TTC28: variants seen among roughly 807,000 people sequenced by gnomAD.
The protein encoded by TTC28 is tetratricopeptide repeat domain 28.
In TTC28, 61 loss-of-function variants were observed where a neutral mutation model predicts 198.0. The ratio of observed to expected loss-of-function variants is 0.31; its 90% CI spans 0.25 to 0.38. TTC28 has a LOEUF of 0.38. Ranked by LOEUF, TTC28 falls within the 10% of genes least tolerant of loss-of-function variation. The probability of loss-of-function intolerance (pLI) is 1.00; values close to 1 mark genes in which losing one functional copy is unlikely to be tolerated. For synonymous variants in TTC28, 1,171 were observed against 1,297.8 expected, an observed-to-expected ratio of 0.90 and a Z score of 2.10; for missense variants, 2,678 against 3,164.0, an observed-to-expected ratio of 0.85 and a Z score of 3.69.
At chr22:28,528,380 C>A (rs923853492) in intron 2 of TTC28, among the ~76,000 whole-genome samples, 2 of 151,898 alleles carry the variant, frequency 1.3e-5, no homozygotes, top group African/African-American at 4.8e-5. Context: ...CTCAGTAGAT[C>A]GTTAAGGATG....
chr22:28,385,241 T>C (rs1273820338), intron 2 of TTC28, among the ~76,000 whole-genome samples: 1 of 151,148 alleles, frequency 6.6e-6, no homozygotes, highest in Non-Finnish European at 1.5e-5. Flanking sequence ...TTTTTCTTTT[T>C]TTTTTCTTTG....
rs751718639 is a variant in TTC28 at position 28,162,970 on chromosome 22, C to A, written c.1441+122G>T. 2.8e-5 allele frequency: 36 copies of A among 1,279,248 alleles called. No homozygotes were observed. The African/African-American group carries it at 4.8e-4, about 17-fold the overall frequency. 79.2% of individuals were successfully genotyped at this position (1,279,248 alleles called of 1,614,324 possible). On this transcript the variant is annotated intron_variant, in intron 6 of 22. Coordinates refer to ENST00000397906, the MANE Select transcript of TTC28 (RefSeq NM_001145418.2). ...AAAAGAAAAGGAAAAGAAAAGAGCACACACAATAAGGATATTCTTTTAAAT... is the reference window on the plus strand; with the variant it reads ...AAAAGAAAAGGAAAAGAAAAGAGCAAACACAATAAGGATATTCTTTTAAAT...
chr22:28,372,104 G>A (rs1013003251), intron 2 of TTC28, among the ~76,000 whole-genome samples: 7 of 151,600 alleles, frequency 4.6e-5, no homozygotes, highest in Admixed American at 6.6e-5. Flanking sequence ...CCACCTCCCC[G>A]CCTTAAAAAA....
intron 5 of TTC28, among the ~76,000 whole-genome samples, chr22:28,224,716 A>G (rs1316746884): frequency 6.6e-6 from 1 of 152,160 alleles, no homozygotes; most frequent in Non-Finnish European, 1.5e-5. Flanking sequence ...AGAAGCAAAT[A>G]TAAGAAAGTG....
intron 2 of TTC28, among the ~76,000 whole-genome samples, chr22:28,362,773 T>A (rs1299645950): frequency 6.6e-6 from 1 of 152,092 alleles, no homozygotes. Flanking sequence ...ACTGGCAGCA[T>A]TTTGCCCCTG....
At chr22:28,032,267 A>ATATAGT (rs1226631612) in intron 12 of TTC28, among the ~76,000 whole-genome samples, 4 of 78,722 alleles carry the variant, frequency 5.1e-5, no homozygotes, top group African/African-American at 2.5e-4. Context: ...ATATATATAT[A>ATATAGT]GTGTGTGTGT....
intron 13 of TTC28, among the ~76,000 whole-genome samples, chr22:28,029,366 C>T (rs572597252): frequency 1.3e-5 from 2 of 152,192 alleles, no homozygotes; most frequent in African/African-American, 2.4e-5. Flanking sequence ...ATGCCCTGCA[C>T]AGCAGGGCTG....
intron 2 of TTC28, among the ~76,000 whole-genome samples, chr22:28,441,635 T>C (rs996049929): frequency 6.6e-6 from 1 of 152,204 alleles, no homozygotes; most frequent in East Asian, 1.9e-4. Context: ...TTAGATTCTC[T>C]AGCAATAAAA....
At chr22:28,220,353 A>G (rs1927758451) in intron 5 of TTC28, among the ~76,000 whole-genome samples, 2 of 152,212 alleles carry the variant, frequency 1.3e-5, no homozygotes, top group African/African-American at 4.8e-5. Context: ...TCTGTGAGTA[A>G]GGAGTCCAGG....
chr22:28,389,725 TTCTC>T (rs1254013485), intron 2 of TTC28, among the ~76,000 whole-genome samples: 2 of 148,958 alleles, frequency 1.3e-5, no homozygotes, highest in African/African-American at 2.4e-5. Context: ...TATTTGATTC[TTCTC>T]TCTTTTTTTC....
intron 9 of TTC28, 73 bp downstream of exon 9, chr22:28,101,098 C>T: frequency 8.6e-7 from 1 of 1,165,092 alleles, no homozygotes; most frequent in Admixed American, 2.2e-5. Context: ...GCCATCACTA[C>T]TAGGACAGTA....
intron 5 of TTC28, among the ~76,000 whole-genome samples, chr22:28,204,084 T>A (rs2147160494): frequency 6.6e-6 from 1 of 152,228 alleles, no homozygotes; most frequent in African/African-American, 2.4e-5. Context: ...CATCCTGACT[T>A]CCCCTTCCCA....
intron 5 of TTC28, among the ~76,000 whole-genome samples, chr22:28,218,521 A>T (rs559627504): frequency 6.6e-6 from 1 of 152,182 alleles, no homozygotes; most frequent in Admixed American, 6.5e-5. Flanking sequence ...AATTTCTCCA[A>T]ATATTAAGTC....
At chr22:28,027,557 T>C (rs1004549526) in intron 13 of TTC28, among the ~76,000 whole-genome samples, 1 of 152,236 alleles carries the variant, frequency 6.6e-6, no homozygotes, top group African/African-American at 2.4e-5. Context: ...ATAAAATCAC[T>C]GAGCTGGAGA....
At chr22:28,019,632 C>A (rs979042629) in intron 13 of TTC28, among the ~76,000 whole-genome samples, 1 of 152,226 alleles carries the variant, frequency 6.6e-6, no homozygotes, top group African/African-American at 2.4e-5. Context: ...TACACTGTCA[C>A]GACAATCTAG....
intron 16 of TTC28, 189 bp downstream of exon 16, chr22:27,998,351 T>G: frequency 1.1e-6 from 1 of 950,998 alleles, no homozygotes; most frequent in Non-Finnish European, 1.5e-6. Context: ...GGTCCAAAGA[T>G]GATCTTAATA....
intron 6 of TTC28, among the ~76,000 whole-genome samples, chr22:28,151,202 T>G (rs1375857053): frequency 6.6e-6 from 1 of 152,196 alleles, no homozygotes; most frequent in Non-Finnish European, 1.5e-5. Context: ...ACTCAGCTAT[T>G]AAAAGAAATT....
chr22:28,499,294 T>C (rs1259786537), intron 2 of TTC28, among the ~76,000 whole-genome samples: 1 of 152,168 alleles, frequency 6.6e-6, no homozygotes, highest in Non-Finnish European at 1.5e-5. Context: ...TTTCAGAATG[T>C]TTCAACAGTT....
At chr22:28,501,114 C>G (rs2048531843) in intron 2 of TTC28, among the ~76,000 whole-genome samples, 1 of 152,078 alleles carries the variant, frequency 6.6e-6, no homozygotes, top group Non-Finnish European at 1.5e-5. Context: ...TACTATATGC[C>G]AAGCACAGCA....
Sources: allele counts gnomAD v4.1 joint callset (sites outside exome capture counted in the v4.1 genomes callset), GRCh38; gene constraint gnomAD v4.1.1; transcripts MANE v1.5; gene names NCBI Gene and HGNC (gene_info 2026-07-23, HGNC 2026-07-21).